The following STPG4 variants were observed in gnomAD, a reference collection of about 807,000 sequenced individuals.
STPG4 encodes protein STPG4.
Under a neutral mutation model 31.5 loss-of-function variants are expected in STPG4, and 41 were observed. The ratio of observed to expected loss-of-function variants is 1.30; its 90% confidence interval spans 1.01 to 1.69. The LOEUF (loss-of-function observed/expected upper bound fraction) is 1.69, where lower values mean the gene tolerates loss of function less well. Among genes scored for constraint, STPG4 ranks in the 40% most tolerant of loss-of-function variants. STPG4 has a pLI of 0.00. For synonymous variants in STPG4, 141 were observed against 103.0 expected (o/e 1.37, Z -2.24); for missense variants, 375 against 293.4 (o/e 1.28, Z -2.03).
intron 5 of STPG4, among the ~76,000 whole-genome samples, chr2:47,125,730 T>TTC (rs1408297265): frequency 6.6e-6 from 1 of 151,732 alleles, no homozygotes; most frequent in African/African-American, 2.4e-5. Context: ...TTTAATTTTT[T>TTC]TTTTTTTAAC....
intron 5 of STPG4, among the ~76,000 whole-genome samples, chr2:47,101,381 C>G (rs1685796217): frequency 6.6e-6 from 1 of 151,610 alleles, no homozygotes; most frequent in South Asian, 2.1e-4. Context: ...GTTGGTTGAC[C>G]CTGCGGCCAT....
chr2:47,154,981 C>G (rs1419436159), intron 1 of STPG4, among the ~76,000 whole-genome samples, 190 bp downstream of exon 1: 1 of 151,976 alleles, frequency 6.6e-6, no homozygotes, highest in African/African-American at 2.4e-5. Context: ...AGAAATAAAA[C>G]AAAGGAAATG....
chr2:47,108,824 G>A (rs989493035), intron 5 of STPG4: 1 of 152,248 alleles, frequency 6.6e-6, no homozygotes, highest in Non-Finnish European at 1.5e-5. Context: ...ATTGGCCCAG[G>A]GGCAGGCACC....
intron 5 of STPG4, among the ~76,000 whole-genome samples, chr2:47,101,060 G>A (rs1164071766): frequency 6.6e-6 from 1 of 151,860 alleles, no homozygotes; most frequent in African/African-American, 2.4e-5. Context: ...GCCGAGCAAT[G>A]AGACCATCAC....
At chr2:47,123,818 C>A (rs1686317588) in intron 5 of STPG4, among the ~76,000 whole-genome samples, 1 of 151,740 alleles carries the variant, frequency 6.6e-6, no homozygotes, top group Admixed American at 6.6e-5. Context: ...TGTTTATGGC[C>A]ACATAGTAGG....
At chr2:47,112,989 CAAAAAAAAA>C (rs70940656) in intron 5 of STPG4, among the ~76,000 whole-genome samples, 1 of 93,670 alleles carries the variant, frequency 1.1e-5, no homozygotes, top group Non-Finnish European at 2.1e-5. Context: ...AAGACTATCT[CAAAAAAAAA>C]AAAAAAAAAA....
At chr2:47,125,153 G>C (rs1255313719) in intron 5 of STPG4, among the ~76,000 whole-genome samples, 2 of 152,092 alleles carry the variant, frequency 1.3e-5, no homozygotes, top group African/African-American at 4.8e-5. Flanking sequence ...GGGCATGGTG[G>C]CTCATGCCTG....
chr2:47,087,272 T>G, intron 6 of STPG4, 142 bp from the exon 7 acceptor site: 1 of 897,614 alleles, frequency 1.1e-6, no homozygotes, highest in East Asian at 2.7e-5. Context: ...GGCTGAAGCC[T>G]GGCAGACCCT....
intron 6 of STPG4, among the ~76,000 whole-genome samples, chr2:47,089,818 G>A (rs973188858): frequency 3.3e-5 from 5 of 152,086 alleles, no homozygotes; most frequent in Admixed American, 6.5e-5. Context: ...TTTTGGGGGT[G>A]GGGTGATCGC....
At chr2:47,145,121 G>T (rs1686793260) in intron 3 of STPG4, among the ~76,000 whole-genome samples, 1 of 152,236 alleles carries the variant, frequency 6.6e-6, no homozygotes, top group African/African-American at 2.4e-5. Flanking sequence ...AGCCAAGGAG[G>T]TAAGTGGCTT....
intron 5 of STPG4, among the ~76,000 whole-genome samples, chr2:47,094,800 C>T (rs936573675): frequency 1.3e-5 from 2 of 152,204 alleles, no homozygotes; most frequent in Non-Finnish European, 2.9e-5. Flanking sequence ...TCCTGGAGAG[C>T]TCCTAGGTCT....
chr2:47,127,667 T>A lies in STPG4; in HGVS notation c.519+2274A>T, dbSNP rs139547515. 7.8e-3 allele frequency among the ~76,000 whole-genome samples: 1,194 copies of A among 152,306 alleles called. 11 individuals carry two copies. The highest frequency in any genetic ancestry group is 0.028 in the African/African-American group (1,160 of 41,570). The stretch of plus-strand genomic sequence containing the variant: ...AATTGAATTTTTCAGCTCCAGAGTA[T>A]CTGCTTGATTTTTTAAAATTATTTT... On this transcript the variant is annotated intron_variant, in intron 5 of 6. Coordinates refer to ENST00000445927, the MANE Select transcript of STPG4 (RefSeq NM_001163561.2).
chr2:47,133,084 A>G (rs1428212513), intron 3 of STPG4, among the ~76,000 whole-genome samples: 1 of 151,880 alleles, frequency 6.6e-6, no homozygotes, highest in African/African-American at 2.4e-5. Flanking sequence ...TTTCCTGTTC[A>G]TTGCTAAACT....
intron 5 of STPG4, among the ~76,000 whole-genome samples, chr2:47,127,059 G>C (rs1393582678): frequency 6.6e-6 from 1 of 151,658 alleles, no homozygotes; most frequent in African/African-American, 2.4e-5. Flanking sequence ...TTTTTCTCTA[G>C]GTTTGGAACG....
intron 5 of STPG4, among the ~76,000 whole-genome samples, chr2:47,124,215 T>C (rs965094339): frequency 6.6e-6 from 1 of 152,246 alleles, no homozygotes; most frequent in African/African-American, 2.4e-5. Flanking sequence ...GGTCTTGAAC[T>C]CCTGACCTCA....
chr2:47,123,508 T>C (rs1686312808), intron 5 of STPG4, among the ~76,000 whole-genome samples: 1 of 152,148 alleles, frequency 6.6e-6, no homozygotes, highest in Non-Finnish European at 1.5e-5. Flanking sequence ...GTCTGACAGT[T>C]ATGAATGCTA....
intron 3 of STPG4, among the ~76,000 whole-genome samples, chr2:47,136,158 T>C (rs187148836): frequency 3.9e-5 from 6 of 152,292 alleles, no homozygotes; most frequent in Admixed American, 3.9e-4. Flanking sequence ...CTTTCTTTTT[T>C]TTTTGAGACA....
chr2:47,130,259 G>A lies in STPG4; in HGVS notation c.401C>T (p.Ser134Leu). 1 of 1,613,776 alleles carries A rather than the reference G, an allele frequency of 6.2e-7. No homozygotes were observed. The highest frequency in any genetic ancestry group is 8.5e-7 in the Non-Finnish European group (1 of 1,179,696). The change falls in exon 4 of 7, where the codon TCA (serine) becomes TTA (leucine). Residue 134 changes from serine to leucine, a missense_variant and splice_region_variant. Transcript: ENST00000445927. ...SPSTLVDKDQSLQLSPGQYNV... is the reference protein window; with the variant it reads ...SPSTLVDKDQLLQLSPGQYNV... The stretch of plus-strand genomic sequence containing the variant: ...GTATTGCCCCGGAGAAAGCTGAAGT[G>A]ACTGCACAGAATGGACAAGGACACC...
At chr2:47,088,927 G>T (rs781398478) in intron 6 of STPG4, among the ~76,000 whole-genome samples, 22 of 152,182 alleles carry the variant, frequency 1.4e-4, no homozygotes, top group Non-Finnish European at 2.6e-4. Context: ...CAGGGGGCCT[G>T]CATCTCACAA....
Sources: allele counts gnomAD v4.1 joint callset (sites outside exome capture counted in the v4.1 genomes callset), GRCh38; gene constraint gnomAD v4.1.1; transcripts MANE v1.5; gene names NCBI Gene and HGNC (gene_info 2026-07-23, HGNC 2026-07-21).